SYT1: variants seen among roughly 807,000 people sequenced by gnomAD.
The protein encoded by SYT1 is synaptotagmin 1, also known as synaptotagmin-1.
SYT1 carries 8 observed loss-of-function variants against 44.8 expected under a neutral mutation model. The ratio of observed to expected loss-of-function variants is 0.18; its 90% confidence interval spans 0.10 to 0.32. The LOEUF (loss-of-function observed/expected upper bound fraction) is 0.32, where lower values mean the gene tolerates loss of function less well. SYT1 is among the 10% of genes least tolerant of loss of function. The pLI is 1.00. For synonymous variants in SYT1, 154 were observed against 188.8 expected (o/e 0.82, Z 1.51); for missense variants, 286 against 509.3 (o/e 0.56, Z 4.22).
At chr12:79,334,664 C>T (rs17005481) in intron 8 of SYT1, among the ~76,000 whole-genome samples, 17,012 of 152,166 alleles carry the variant, frequency 0.11, 1,425 homozygotes, top group African/African-American at 0.24. Context: ...TTTGCTTTCA[C>T]GTAGTAAGAT....
chr12:79,242,291 C>T (rs965965048), intron 4 of SYT1, among the ~76,000 whole-genome samples: 2 of 152,136 alleles, frequency 1.3e-5, no homozygotes, highest in Admixed American at 6.5e-5. Context: ...AGAGAATGTC[C>T]CTTAACAAGA....
chr12:79,346,557 C>T (rs1223260458), intron 8 of SYT1, among the ~76,000 whole-genome samples: 1 of 152,202 alleles, frequency 6.6e-6, no homozygotes. Flanking sequence ...AGCAAAAGCA[C>T]TCATGTGTTG....
intron 9 of SYT1, among the ~76,000 whole-genome samples, chr12:79,441,319 C>T (rs1372696186): frequency 6.6e-6 from 1 of 151,816 alleles, no homozygotes; most frequent in African/African-American, 2.4e-5. Flanking sequence ...GCTGCTGCTG[C>T]TGTTGTTGTT....
At chr12:79,386,109 GT>G (rs1490850657) in intron 9 of SYT1, among the ~76,000 whole-genome samples, 1 of 152,178 alleles carries the variant, frequency 6.6e-6, no homozygotes, top group East Asian at 1.9e-4. Context: ...CCCCTTAAAG[GT>G]TGTATGGTGC....
chr12:79,223,917 A>G (rs1254880122), intron 4 of SYT1, among the ~76,000 whole-genome samples: 2 of 152,122 alleles, frequency 1.3e-5, no homozygotes, highest in Non-Finnish European at 2.9e-5. Flanking sequence ...CCCCAAGTTG[A>G]CAGTATCTCT....
chr12:79,320,322 T>C (rs958991499), intron 8 of SYT1, among the ~76,000 whole-genome samples: 1 of 152,214 alleles, frequency 6.6e-6, no homozygotes, highest in Non-Finnish European at 1.5e-5. Flanking sequence ...CAAAACCAGA[T>C]AGTTACTAAA....
Position 79,217,689 on chromosome 12 carries a change from A to C in SYT1, c.166+4A>C. 6.2e-7 allele frequency: 1 copy of C among 1,611,290 alleles called. No homozygotes were observed. The highest frequency in any genetic ancestry group is 8.5e-7 in the Non-Finnish European group (1 of 1,178,688). ...AATGAGTTGCATAAAATTCCATGTG[A>C]GTATTCTATATTAGTACTTGAGTAA... On this transcript the variant is annotated splice_donor_region_variant and intron_variant, in intron 4 of 10. Transcript: ENST00000261205.
chr12:79,177,838 A>G (rs1592821963), intron 3 of SYT1, among the ~76,000 whole-genome samples: 1 of 125,304 alleles, frequency 8.0e-6, no homozygotes, highest in East Asian at 2.1e-4. Context: ...GGCTGCATAA[A>G]TGTCTTCTTT....
intron 10 of SYT1, among the ~76,000 whole-genome samples, chr12:79,446,015 A>ATATATATATATATACATATATATATATG (rs1565961514): frequency 8.8e-6 from 1 of 113,606 alleles, no homozygotes; most frequent in African/African-American, 3.4e-5. Context: ...ATATATATAT[A>ATATATATATATATACATATATATATATG]TATATATATA....
intron 1 of SYT1, among the ~76,000 whole-genome samples, chr12:78,873,151 T>G (rs1041784386): frequency 1.3e-5 from 2 of 151,674 alleles, no homozygotes; most frequent in Non-Finnish European, 3.0e-5. Context: ...AAAGATGCAA[T>G]GAAGGAGACT....
chr12:79,092,781 G>C (rs1475085009), intron 3 of SYT1, among the ~76,000 whole-genome samples: 1 of 151,546 alleles, frequency 6.6e-6, no homozygotes, highest in Non-Finnish European at 1.5e-5. Context: ...AAGCAATTTG[G>C]GGCTATAACT....
At chr12:78,998,350 C>T (rs763806150) in intron 2 of SYT1, among the ~76,000 whole-genome samples, 50 of 152,080 alleles carry the variant, frequency 3.3e-4, no homozygotes, top group African/African-American at 1.4e-4. Flanking sequence ...TGGAAGATAA[C>T]CCTAAATATG....
intron 1 of SYT1, among the ~76,000 whole-genome samples, chr12:78,881,775 A>T (rs934918641): frequency 6.6e-6 from 1 of 151,526 alleles, no homozygotes; most frequent in Admixed American, 6.6e-5. Flanking sequence ...GATAGAAAAA[A>T]AAAGAGGAGA....
At chr12:78,946,519 G>A (rs546838736) in intron 1 of SYT1, among the ~76,000 whole-genome samples, 1 of 152,040 alleles carries the variant, frequency 6.6e-6, no homozygotes, top group East Asian at 1.9e-4. Flanking sequence ...GCCAGGTGTG[G>A]TGGCACACAC....
intron 1 of SYT1, among the ~76,000 whole-genome samples, chr12:78,928,594 G>T (rs1340013853): frequency 6.6e-6 from 1 of 152,020 alleles, no homozygotes; most frequent in Non-Finnish European, 1.5e-5. Flanking sequence ...TTATTCTGAA[G>T]TCAATTAAGG....
chr12:79,099,362 A>G (rs1036535392), intron 3 of SYT1, among the ~76,000 whole-genome samples: 4 of 152,180 alleles, frequency 2.6e-5, no homozygotes, highest in African/African-American at 9.7e-5. Context: ...TGCCACTGAG[A>G]GTTTTAAAAC....
chr12:79,252,465 C>T (rs1877277051), intron 4 of SYT1, among the ~76,000 whole-genome samples: 8 of 152,090 alleles, frequency 5.3e-5, no homozygotes, highest in Admixed American at 5.2e-4. Flanking sequence ...GGCAGAATTG[C>T]ACTTTTTTTA....
At chr12:79,233,811 A>G (rs369244525) in intron 4 of SYT1, among the ~76,000 whole-genome samples, 2 of 152,334 alleles carry the variant, frequency 1.3e-5, no homozygotes, top group East Asian at 3.9e-4. Flanking sequence ...CTTGAATGTA[A>G]TAATCTAACA....
At chr12:79,420,462 ACT>A (rs1226045209) in intron 9 of SYT1, among the ~76,000 whole-genome samples, 1 of 151,840 alleles carries the variant, frequency 6.6e-6, no homozygotes, top group Non-Finnish European at 1.5e-5. Flanking sequence ...TCTTCAACCC[ACT>A]CTCTCACCTC....
Sources: gnomAD v4.1 joint callset for allele counts (sites outside exome capture counted in the v4.1 genomes callset) on GRCh38, gnomAD v4.1.1 for gene constraint, MANE v1.5 for transcripts, NCBI Gene and HGNC (gene_info 2026-07-23, HGNC 2026-07-21) for gene names.